The following SGCD variants were observed in gnomAD, a reference collection of about 807,000 sequenced individuals.
The protein encoded by SGCD is sarcoglycan delta, also known as delta-sarcoglycan.
Under a neutral mutation model 36.6 loss-of-function variants are expected in SGCD, and 18 were observed. The ratio of observed to expected loss-of-function variants is 0.49; its 90% confidence interval spans 0.34 to 0.73. The LOEUF is 0.73. Among genes scored for constraint, SGCD ranks in the 30% least tolerant of loss-of-function variants. SGCD has a pLI of 0.01. For synonymous variants in SGCD, 133 were observed against 130.6 expected (o/e 1.02, Z -0.12); for missense variants, 387 against 346.7 (o/e 1.12, Z -0.92).
chr5:156,143,144 G>A (rs1340133810), intron 3 of SGCD, among the ~76,000 whole-genome samples: 1 of 152,204 alleles, frequency 6.6e-6, no homozygotes, highest in Non-Finnish European at 1.5e-5. Context: ...TCCAGCCTTG[G>A]CTCTAGCCAG....
intron 4 of SGCD, among the ~76,000 whole-genome samples, chr5:156,588,515 C>A (rs906486620): frequency 2.0e-5 from 3 of 152,136 alleles, no homozygotes; most frequent in Non-Finnish European, 2.9e-5. Flanking sequence ...TCAAGACTTT[C>A]AATAAAAAGT....
At position 156,586,258 on chromosome 5, in the gene SGCD, T is replaced by A. The variant is rs139170344; in HGVS notation, c.295-2973T>A. On this transcript the variant is annotated intron_variant, in intron 4 of 8. Transcript: ENST00000337851. ...AAAATGGCTGTCAATTGATATTTGC[T>A]ATTTCCTCGTGTTTAGATGGGGATT... Among the ~76,000 whole-genome samples the A allele has an allele frequency of 2.6e-3, 391 of 152,274 alleles. 2 individuals carry two copies. The highest frequency in any genetic ancestry group is 8.9e-3 in the African/African-American group (368 of 41,562).
chr5:156,015,337 G>T (rs1309555739), intron 1 of SGCD, among the ~76,000 whole-genome samples: 1 of 152,046 alleles, frequency 6.6e-6, no homozygotes, highest in Non-Finnish European at 1.5e-5. Flanking sequence ...CACTTGGCCA[G>T]TAGGAGCCCC....
chr5:156,369,060 A>G (rs1183961007), intron 3 of SGCD, among the ~76,000 whole-genome samples: 2 of 152,212 alleles, frequency 1.3e-5, no homozygotes, highest in Non-Finnish European at 2.9e-5. Context: ...AATTCTCTGC[A>G]GCTCTGAGAT....
At chr5:156,338,409 C>T (rs1030688815) in intron 2 of SGCD, among the ~76,000 whole-genome samples, 2 of 152,142 alleles carry the variant, frequency 1.3e-5, no homozygotes, top group African/African-American at 2.4e-5. Context: ...ACCCATGACC[C>T]TTTTTCATCC....
At chr5:156,180,481 ATAG>A (rs1246283901) in intron 3 of SGCD, among the ~76,000 whole-genome samples, 3 of 152,224 alleles carry the variant, frequency 2.0e-5, no homozygotes, top group African/African-American at 4.8e-5. Flanking sequence ...ACAAATTCCT[ATAG>A]TAAGTAATTT....
At chr5:156,575,615 A>G (rs549671478) in intron 4 of SGCD, among the ~76,000 whole-genome samples, 25 of 152,334 alleles carry the variant, frequency 1.6e-4, no homozygotes, top group Non-Finnish European at 3.1e-4. Context: ...AGAGTCCACC[A>G]GATGTGAGGA....
chr5:156,129,499 A>G (rs1368315), intron 3 of SGCD, among the ~76,000 whole-genome samples: 2,298 of 152,214 alleles, frequency 0.015, 57 homozygotes, highest in African/African-American at 0.051. Context: ...TTGAACTTTT[A>G]TTTTAGGTTC....
rs115359549 is a variant in SGCD, at chr5:156,738,283, G to T, written c.576-19298G>T. 6.8e-3 allele frequency among the ~76,000 whole-genome samples: 1,031 copies of T among 152,280 alleles called. 5 individuals are homozygous for T. The highest frequency in any genetic ancestry group is 0.012 in the Non-Finnish European group (786 of 68,024). On this transcript the variant is annotated intron_variant, in intron 7 of 8. Transcript: ENST00000337851. ...GAATGTAATAGTTTGGGGATGGAGG[G>T]TATGGGGAGGACCATAAAGAGAGTC...
chr5:156,440,816 T>A (rs962556356), intron 3 of SGCD, among the ~76,000 whole-genome samples: 1 of 152,190 alleles, frequency 6.6e-6, no homozygotes, highest in African/African-American at 2.4e-5. Flanking sequence ...GTTTGCCTTT[T>A]TATTAAGTTG....
the SGCD span, among the ~76,000 whole-genome samples, chr5:155,733,482 C>T: frequency 1.3e-5 from 2 of 152,174 alleles, no homozygotes; most frequent in East Asian, 1.9e-4. Flanking sequence ...TTAACCCTGA[C>T]CTCTTATTCA....
Position 156,270,478 on chromosome 5 carries a change from T to C in SGCD, c.-43-59056T>C, listed in dbSNP as rs139207451. Among the ~76,000 whole-genome samples the C allele has an allele frequency of 5.7e-4, 87 of 152,304 alleles. 1 individual carries two copies. The East Asian group carries it at 0.014, about 24-fold the overall frequency. On this transcript the variant is annotated intron_variant, in intron 3 of 9. Coordinates refer to the SGCD transcript ENST00000517913. Reference sequence around the variant, plus strand: ...ACTATTATTAAAGATAATTAAAATATCATATGTTATAAATGAGCTGATAGG... The same window carrying C: ...ACTATTATTAAAGATAATTAAAATACCATATGTTATAAATGAGCTGATAGG...
chr5:156,246,389 G>T (rs1765439583), intron 3 of SGCD, among the ~76,000 whole-genome samples: 1 of 151,194 alleles, frequency 6.6e-6, no homozygotes, highest in South Asian at 2.1e-4. Flanking sequence ...AAATTCTATT[G>T]AAAAAAAATC....
chr5:156,437,814 T>C (rs1289483856), intron 3 of SGCD, among the ~76,000 whole-genome samples: 1 of 152,138 alleles, frequency 6.6e-6, no homozygotes, highest in African/African-American at 2.4e-5. Flanking sequence ...TATATATGTG[T>C]TTTTTAACTT....
rs552338642 is a variant in SGCD, at chr5:156,373,207, A to G, written c.192+28530A>G. ...GAAGAGTGTAATTTTCTCTAAAAAG[A>G]TATCTGTAAGGGGGAACACTTACCA... is the stretch of plus-strand genomic sequence containing the variant. On this transcript the variant is annotated intron_variant, in intron 3 of 8. Coordinates refer to ENST00000337851, the MANE Select transcript of SGCD (RefSeq NM_000337.6). 1.1e-4 allele frequency among the ~76,000 whole-genome samples: 17 copies of G among 152,296 alleles called. No individual in the cohort carries two copies. The East Asian group carries it at 3.3e-3, about 29-fold the overall frequency.
intron 3 of SGCD, among the ~76,000 whole-genome samples, chr5:156,189,905 A>G (rs1187327760): frequency 6.6e-6 from 1 of 152,182 alleles, no homozygotes; most frequent in Non-Finnish European, 1.5e-5. Flanking sequence ...GCATTAGAGG[A>G]CACCATGTTC....
intron 4 of SGCD, among the ~76,000 whole-genome samples, chr5:156,539,951 C>T (rs6877566): frequency 0.52 from 78,636 of 151,866 alleles, 21,021 homozygotes; most frequent in African/African-American, 0.64. Context: ...TATGTGAATA[C>T]GAGTTCATGG....
chr5:155,895,686 C>T (rs201782486), intron 1 of SGCD, among the ~76,000 whole-genome samples: 1 of 98,988 alleles, frequency 1.0e-5, no homozygotes, highest in African/African-American at 3.1e-5. Context: ...TGTAATGGCA[C>T]CAAAAAAAAA....
At chr5:156,500,121 TCCAC>T (rs1314313507) in intron 3 of SGCD, among the ~76,000 whole-genome samples, 11 of 152,174 alleles carry the variant, frequency 7.2e-5, no homozygotes, top group Admixed American at 3.3e-4. Context: ...TTAATTTTTG[TCCAC>T]TGGGGGCTGT....
Sources: allele counts gnomAD v4.1 joint callset (sites outside exome capture counted in the v4.1 genomes callset), GRCh38; gene constraint gnomAD v4.1.1; transcripts MANE v1.5; gene names NCBI Gene and HGNC (gene_info 2026-07-23, HGNC 2026-07-21).